ERAP2: variants seen among roughly 807,000 people sequenced by gnomAD.
ERAP2 encodes the protein leukocyte-derived arginine aminopeptidase.
Under a neutral mutation model 111.1 loss-of-function variants are expected in ERAP2, and 118 were observed. The observed-to-expected ratio is 1.06, with a 90% CI of 0.92 to 1.24. ERAP2 has a LOEUF of 1.24. Ranked by LOEUF, ERAP2 falls within the 50% of genes most tolerant of loss-of-function variation. ERAP2 has a pLI of 0.00. For missense variants in ERAP2, 1,131 were observed against 1,125.8 expected (o/e 1.00, Z -0.07); for synonymous variants, 410 against 401.2 (o/e 1.02, Z -0.26).
At position 96,900,124 on chromosome 5, in the gene ERAP2, T is replaced by G. The variant is rs776396399; in HGVS notation, c.1507T>G (p.Cys503Gly). 5 of 1,613,884 alleles carry G rather than the reference T, an allele frequency of 3.1e-6. No individual in the cohort carries two copies. Among genetic ancestry groups the G allele is most frequent in the Non-Finnish European group, 4.2e-6 (5 of 1,179,838 alleles). Residue 503 changes from cysteine (C) to glycine (G), a missense_variant, in exon 10 of 19, where the codon TGT becomes GGT. This residue lies in a region of ERAP2 where 847 missense variants were observed against 856.5 expected (regional missense o/e 0.99). Coordinates refer to ENST00000437043, the MANE Select transcript of ERAP2 (RefSeq NM_022350.5). ...DDLWSSLSNSCLESDFTSGGV... is the reference protein window; with the variant it reads ...DDLWSSLSNSGLESDFTSGGV... Reference sequence around the variant, plus strand: ...CTCTTTTGTTCTTGTTTTGTAGAGTTGTTTAGAAAGTGATTTTACATCTGG... The same window carrying G: ...CTCTTTTGTTCTTGTTTTGTAGAGTGGTTTAGAAAGTGATTTTACATCTGG...
chr5:96,902,371 C>G lies in ERAP2; in HGVS notation c.1828+18C>G. ...AAAGACAGGTAATGAACTAATTAGC[C>G]AAACAGGTATTTCAATGTGGAAATT... On this transcript the variant is annotated intron_variant, in intron 12 of 18. Transcript: ENST00000437043. 6.7e-7 allele frequency: 1 copy of G among 1,500,380 alleles called. No individual in the cohort carries two copies. The highest frequency in any genetic ancestry group is 9.3e-7 in the Non-Finnish European group (1 of 1,077,406). 92.9% of individuals were successfully genotyped at this position (1,500,380 alleles called of 1,614,324 possible).
In ERAP2 at chr5:96,896,403, G is replaced by C; in HGVS notation, c.1270G>C (p.Val424Leu). ...CTATTTTTTGAATGTGTGTTTTGAA[G>C]TAATTACAAAAGATTCATTGAATTC... The part of the protein sequence containing the change: ...DDYFLNVCFE[V>L]ITKDSLNSSR... Residue 424 changes from valine (V) to leucine (L), a missense_variant, in exon 8 of 19, where the codon GTA (valine) becomes CTA (leucine). Val to Leu is a conservative substitution (Grantham distance 32, BLOSUM62 1). Coordinates refer to ENST00000437043, the MANE Select transcript of ERAP2 (RefSeq NM_022350.5). The C allele has an allele frequency of 6.2e-7, 1 of 1,611,586 alleles. No individual in the cohort carries two copies. The highest frequency in any genetic ancestry group is 8.5e-7 in the Non-Finnish European group (1 of 1,178,308).
chr5:96,915,580 C>A, intron 17 of ERAP2, 108 bp from the exon 18 acceptor site: 1 of 518,392 alleles, frequency 1.9e-6, no homozygotes, highest in Non-Finnish European at 3.2e-6. Flanking sequence ...TTGTAATACA[C>A]AAGCTTATCA....
chr5:96,881,508 T>C (rs1383642933), intron 2 of ERAP2: 1 of 455,702 alleles, frequency 2.2e-6, no homozygotes, highest in Non-Finnish European at 4.4e-6. Flanking sequence ...CAGTGCACTC[T>C]CACGTTATGT....
intron 2 of ERAP2, chr5:96,881,237 A>G (rs562152083): frequency 5.5e-6 from 2 of 365,570 alleles, no homozygotes; most frequent in African/African-American, 2.1e-5. Context: ...AGGGTATGTT[A>G]TAGAGAAGCA....
intron 6 of ERAP2, among the ~76,000 whole-genome samples, chr5:96,894,808 T>C (rs1017786719): frequency 1.3e-5 from 2 of 152,120 alleles, no homozygotes; most frequent in Admixed American, 1.3e-4. Flanking sequence ...TACCTGCTAC[T>C]TAATATAAAA....
intron 5 of ERAP2, among the ~76,000 whole-genome samples, chr5:96,890,305 A>T (rs1451231049): frequency 6.6e-6 from 1 of 152,142 alleles, no homozygotes; most frequent in Admixed American, 6.5e-5. Flanking sequence ...TCTCATAAGG[A>T]ACACGCAACT....
At position 96,917,582 on chromosome 5, in the gene ERAP2, A is replaced by T. The variant is rs749854904; in HGVS notation, c.2860A>T (p.Thr954Ser). Reference protein sequence around the residue: ...WLEKNLPTLRTWLMVNT With the variant: ...WLEKNLPTLRSWLMVNT ...GGAGAAGAATCTTCCGACTCTGAGG[A>T]CTTGGCTAATGGTTAATACTTAAAT... The change falls in exon 19 of 19, where the codon ACT becomes TCT. Residue 954 changes from threonine (T) to serine (S), a missense_variant. Physicochemically the swap from Thr to Ser is moderately conservative, Grantham distance 58. Coordinates refer to ENST00000437043, the MANE Select transcript of ERAP2 (RefSeq NM_022350.5). 5 of 1,613,246 alleles carry T rather than the reference A, an allele frequency of 3.1e-6. No individual in the cohort carries two copies. The Admixed American group carries it at 8.3e-5, about 27-fold the overall frequency.
intron 17 of ERAP2, among the ~76,000 whole-genome samples, chr5:96,914,694 A>G (rs1301684939): frequency 6.6e-6 from 1 of 152,182 alleles, no homozygotes; most frequent in African/African-American, 2.4e-5. Context: ...TTTGACCTGT[A>G]GTACAAGTTT....
At chr5:96,907,034 C>G (rs1561392496) in intron 13 of ERAP2, among the ~76,000 whole-genome samples, 1 of 152,062 alleles carries the variant, frequency 6.6e-6, no homozygotes, top group Non-Finnish European at 1.5e-5. Flanking sequence ...ATCTCAAAAA[C>G]AAAACAAAAC....
At chr5:96,877,013 C>T (rs1288472212) in intron 1 of ERAP2, among the ~76,000 whole-genome samples, 3 of 152,108 alleles carry the variant, frequency 2.0e-5, no homozygotes, top group Admixed American at 6.6e-5. Flanking sequence ...CTCGCTCTGT[C>T]GCCCAGGCTG....
chr5:96,895,496 C>T (rs75755560), intron 7 of ERAP2, 137 bp downstream of exon 7: 29,915 of 657,732 alleles, frequency 0.045, 889 homozygotes, highest in Middle Eastern at 0.098. Context: ...GTTTGATACA[C>T]GAAACAGATC....
chr5:96,883,744 T>C, intron 2 of ERAP2, 48 bp from the exon 3 acceptor site: 2 of 1,568,014 alleles, frequency 1.3e-6, no homozygotes, highest in Non-Finnish European at 1.7e-6. Flanking sequence ...TTCATTTCTC[T>C]TCTTGATTTC....
chr5:96,910,957 T>C (rs975802821), intron 15 of ERAP2, among the ~76,000 whole-genome samples: 3 of 152,234 alleles, frequency 2.0e-5, no homozygotes, highest in Non-Finnish European at 4.4e-5. Flanking sequence ...TTGTTACCAA[T>C]TGTTATAAAG....
intron 15 of ERAP2, chr5:96,910,073 T>G (rs1231765445): frequency 4.7e-6 from 1 of 212,876 alleles, no homozygotes; most frequent in Non-Finnish European, 9.8e-6. Flanking sequence ...AAGACCAGCC[T>G]GGCCAACATA....
At chr5:96,885,198 C>T (rs1028223362) in intron 3 of ERAP2, among the ~76,000 whole-genome samples, 12 of 152,278 alleles carry the variant, frequency 7.9e-5, no homozygotes, top group Middle Eastern at 3.4e-3. Flanking sequence ...CACAGCCTCA[C>T]GCCTCTGCCA....
rs780003389 is a variant in ERAP2, at chr5:96,915,732, C to T, written c.2702C>T (p.Thr901Ile). 5.0e-6 allele frequency: 8 copies of T among 1,599,462 alleles called. No homozygotes were observed. Among genetic ancestry groups the T allele is most frequent in the Non-Finnish European group, 5.1e-6 (6 of 1,173,314 alleles). Residue 901 changes from threonine to isoleucine, a missense_variant, in exon 18 of 19, where the codon ACA (threonine) becomes ATA (isoleucine). Transcript: ENST00000437043. ...SYDIRMIISGTTAHFSSKDKL... is the reference protein window; with the variant it reads ...SYDIRMIISGITAHFSSKDKL... ...GACATAAGGATGATCATCTCTGGCACAACAGCTCACTTTTCTTCCAAGGAT... is the reference window on the plus strand; with the variant it reads ...GACATAAGGATGATCATCTCTGGCATAACAGCTCACTTTTCTTCCAAGGAT...
At chr5:96,883,986 C>G (rs576070445) in intron 3 of ERAP2, 56 bp downstream of exon 3, 4 of 1,494,574 alleles carry the variant, frequency 2.7e-6, no homozygotes, top group African/African-American at 2.9e-5. Flanking sequence ...ACTCAGTCTT[C>G]GTTTGTTTTT....
intron 4 of ERAP2, among the ~76,000 whole-genome samples, chr5:96,888,083 C>A (rs938231952): frequency 2.7e-5 from 4 of 150,540 alleles, no homozygotes; most frequent in Admixed American, 1.3e-4. Context: ...TGACATTGCA[C>A]CAGGCACTCC....
Sources: allele counts gnomAD v4.1 joint callset (sites outside exome capture counted in the v4.1 genomes callset), GRCh38; gene constraint gnomAD v4.1.1; regional missense constraint gnomAD v4.1.1; transcripts MANE v1.5; gene names NCBI Gene and HGNC (gene_info 2026-07-23, HGNC 2026-07-21).